Variants in NEK11 observed in about 807,000 individuals in gnomAD.
NEK11 encodes serine/threonine-protein kinase Nek11.
Under a neutral mutation model 80.7 loss-of-function variants are expected in NEK11, and 72 were observed. The ratio of observed to expected loss-of-function variants is 0.89; its 90% CI spans 0.74 to 1.08. The LOEUF (loss-of-function observed/expected upper bound fraction) is 1.08, where lower values mean the gene tolerates loss of function less well. Ranked by LOEUF, NEK11 falls within the 50% of genes least tolerant of loss-of-function variation. NEK11 has a pLI of 0.00. For missense variants in NEK11, 764 were observed against 763.6 expected (o/e 1.00, Z -0.01); for synonymous variants, 251 against 260.7 (o/e 0.96, Z 0.36).
At chr3:131,041,578 GTGTT>G (rs977904080) in intron 3 of NEK11, among the ~76,000 whole-genome samples, 33 of 152,250 alleles carry the variant, frequency 2.2e-4, no homozygotes, top group African/African-American at 7.0e-4. Flanking sequence ...GTGTATGTGT[GTGTT>G]TAAGGTGTGT....
At chr3:131,319,652 A>G (rs1474079112) in intron 17 of NEK11, among the ~76,000 whole-genome samples, 2 of 152,316 alleles carry the variant, frequency 1.3e-5, no homozygotes, top group African/African-American at 4.8e-5. Flanking sequence ...GTGACAAGGA[A>G]GTAGAAAAGA....
chr3:131,310,440 T>A (rs2096770287), intron 17 of NEK11, among the ~76,000 whole-genome samples: 1 of 152,180 alleles, frequency 6.6e-6, no homozygotes, highest in African/African-American at 2.4e-5. Context: ...CTCATAGACC[T>A]CAAAGACTAA....
chr3:131,314,112 T>G (rs1228094045), intron 17 of NEK11, among the ~76,000 whole-genome samples: 2 of 143,860 alleles, frequency 1.4e-5, no homozygotes, highest in Admixed American at 7.0e-5. Context: ...TTCTTCCAAT[T>G]TATCCATGGA....
intron 17 of NEK11, among the ~76,000 whole-genome samples, chr3:131,299,633 T>A (rs2096639244): frequency 6.6e-6 from 1 of 152,220 alleles, no homozygotes; most frequent in African/African-American, 2.4e-5. Flanking sequence ...CAGCATTTGG[T>A]TTTCTATTCC....
chr3:131,053,311 C>T (rs746520625), intron 3 of NEK11: 1 of 152,132 alleles, frequency 6.6e-6, no homozygotes, highest in Admixed American at 6.5e-5. Context: ...TTACAGTCTA[C>T]CAGTACTTTT....
At chr3:131,247,984 T>C (rs947123420) in intron 16 of NEK11, among the ~76,000 whole-genome samples, 1 of 152,130 alleles carries the variant, frequency 6.6e-6, no homozygotes, top group African/African-American at 2.4e-5. Context: ...TCATCTAATC[T>C]AACAGTTTTT....
At chr3:131,044,069 A>AT (rs528975021) in intron 3 of NEK11, among the ~76,000 whole-genome samples, 1 of 151,736 alleles carries the variant, frequency 6.6e-6, no homozygotes, top group Non-Finnish European at 1.5e-5. Context: ...AATACTGAGG[A>AT]TTTTGCCTTA....
At chr3:131,243,623 A>G (rs1318740085) in intron 16 of NEK11, 127 bp downstream of exon 16, 2 of 750,768 alleles carry the variant, frequency 2.7e-6, no homozygotes, top group South Asian at 1.9e-5. Context: ...ACTGAGGCCA[A>G]TAGAAGTTGA....
chr3:131,155,070 A>G lies in NEK11; in HGVS notation c.911A>G (p.Glu304Gly). The change falls in exon 10 of 18, where the codon GAA becomes GGA. Residue 304 changes from glutamate (E) to glycine (G), a missense_variant. Physicochemically the swap from Glu to Gly is moderately conservative, Grantham distance 98 (BLOSUM62 -2). Transcript: ENST00000383366. ...TGTAGATATTCAGAAATGACTCTGG[A>G]AGACAAAAATTTGGATTGTCAGAAG... ...LMCRYSEMTL[E>G]DKNLDCQKEA... The G allele has an allele frequency of 6.2e-7, 1 of 1,612,368 alleles. No individual in the cohort carries two copies. Among genetic ancestry groups the G allele is most frequent in the Non-Finnish European group, 8.5e-7 (1 of 1,178,424 alleles).
chr3:131,031,964 GTTT>G (rs71620101), intron 3 of NEK11, among the ~76,000 whole-genome samples: 3 of 134,998 alleles, frequency 2.2e-5, no homozygotes, highest in Non-Finnish European at 3.3e-5. Context: ...AAATTAATCA[GTTT>G]TTTTTTTTTT....
intron 3 of NEK11, among the ~76,000 whole-genome samples, chr3:131,077,773 T>A (rs777390418): frequency 1.3e-5 from 2 of 152,116 alleles, no homozygotes; most frequent in African/African-American, 2.4e-5. Context: ...CTTCAGTAGT[T>A]AAAAAAAGTG....
chr3:131,268,339 G>A (rs2096105611), intron 16 of NEK11, among the ~76,000 whole-genome samples: 1 of 152,166 alleles, frequency 6.6e-6, no homozygotes, highest in Non-Finnish European at 1.5e-5. Context: ...ATCCTTTGGA[G>A]GGGAAGAGGC....
chr3:131,179,219 C>T (rs190665072), intron 14 of NEK11, among the ~76,000 whole-genome samples: 43 of 152,296 alleles, frequency 2.8e-4, no homozygotes, highest in African/African-American at 8.4e-4. Flanking sequence ...ACCACACAAC[C>T]GAACCTGCTG....
At chr3:131,323,478 T>C (rs1314685104) in intron 17 of NEK11, among the ~76,000 whole-genome samples, 1 of 152,176 alleles carries the variant, frequency 6.6e-6, no homozygotes, top group Non-Finnish European at 1.5e-5. Context: ...TCTATCTATC[T>C]CCATTCTACC....
chr3:131,126,266 A>G (rs190003602), intron 5 of NEK11, among the ~76,000 whole-genome samples: 20 of 152,126 alleles, frequency 1.3e-4, no homozygotes, highest in Non-Finnish European at 1.8e-4. Flanking sequence ...ACTTTTATCA[A>G]TCTCTTGGTT....
intron 14 of NEK11, among the ~76,000 whole-genome samples, chr3:131,208,176 C>A (rs2150477401): frequency 6.6e-6 from 1 of 152,268 alleles, no homozygotes; most frequent in Middle Eastern, 3.4e-3. Flanking sequence ...TTTCAGCTTT[C>A]TACATATGGC....
intron 4 of NEK11, among the ~76,000 whole-genome samples, chr3:131,089,262 A>C (rs2076408233): frequency 6.6e-6 from 1 of 152,126 alleles, no homozygotes; most frequent in African/African-American, 2.4e-5. Flanking sequence ...ACTGAGTTGG[A>C]GTTATTGTTG....
chr3:131,261,945 C>A (rs1266063065), intron 16 of NEK11, among the ~76,000 whole-genome samples: 1 of 151,552 alleles, frequency 6.6e-6, no homozygotes, highest in Non-Finnish European at 1.5e-5. Context: ...TTACAAAAAT[C>A]AGAGTGGAAA....
At chr3:131,127,976 C>G (rs982633659) in intron 5 of NEK11, among the ~76,000 whole-genome samples, 1 of 152,138 alleles carries the variant, frequency 6.6e-6, no homozygotes, top group African/African-American at 2.4e-5. Context: ...TGAATCTACT[C>G]AAAGCTCTGA....
Sources: gnomAD v4.1 joint callset for allele counts (sites outside exome capture counted in the v4.1 genomes callset) on GRCh38, gnomAD v4.1.1 for gene constraint, MANE v1.5 for transcripts, NCBI Gene and HGNC (gene_info 2026-07-23, HGNC 2026-07-21) for gene names.